Variants in FXN observed in about 807,000 individuals in gnomAD.
FXN encodes frataxin, mitochondrial.
Under a neutral mutation model 22.4 loss-of-function variants are expected in FXN, and 14 were observed. The observed-to-expected ratio is 0.62, with a 90% CI of 0.41 to 0.98. The LOEUF is 0.98. Ranked by LOEUF, FXN falls within the 50% of genes least tolerant of loss-of-function variation. The pLI, the probability that FXN is intolerant of heterozygous loss-of-function variation, is 0.00. For synonymous variants in FXN, 120 were observed against 114.1 expected, an observed-to-expected ratio of 1.05 and a Z score of -0.33; for missense variants, 267 against 268.4, an observed-to-expected ratio of 0.99 and a Z score of 0.04.
chr9:69,046,295 C>T (rs899820087), intron 1 of FXN, 90 bp from the exon 2 acceptor site: 6 of 933,348 alleles, frequency 6.4e-6, no homozygotes, highest in African/African-American at 3.3e-5. Flanking sequence ...TACAGGCACT[C>T]GAATGTAGAA....
In FXN at chr9:69,053,165, A is replaced by G. The variant is rs1181092877; in HGVS notation, c.289A>G (p.Arg97Gly). The part of the protein sequence containing the change: ...PGSLDETTYE[R>G]LAEETLDSLA... ...CTCTCTAGATGAGACCACCTATGAA[A>G]GACTAGCAGAGGAAACGCTGGACTC... Residue 97 changes from arginine to glycine, a missense_variant, in exon 3 of 5, where the codon AGA becomes GGA. By Grantham distance (125) the Arg-to-Gly change is moderately radical (BLOSUM62 -2). Transcript: ENST00000484259. 6.2e-7 allele frequency: 1 copy of G among 1,613,948 alleles called. No individual in the cohort carries two copies. Among genetic ancestry groups the G allele is most frequent in the South Asian group, 1.1e-5 (1 of 91,080 alleles).
chr9:69,037,284 A>AAAAAAAAAAAAAGAAGAAG (rs544093183), intron 1 of FXN, among the ~76,000 whole-genome samples: 4 of 78,060 alleles, frequency 5.1e-5, no homozygotes, highest in East Asian at 3.1e-4. Flanking sequence ...AAAAAAAAAA[A>AAAAAAAAAAAAAGAAGAAG]AAGAAGAAGA....
chr9:69,052,050 G>A (rs1410120692), intron 2 of FXN, among the ~76,000 whole-genome samples: 1 of 151,474 alleles, frequency 6.6e-6, no homozygotes, highest in Non-Finnish European at 1.5e-5. Flanking sequence ...GTTTCACCAT[G>A]TCAGCCAGGC....
intron 4 of FXN, among the ~76,000 whole-genome samples, chr9:69,066,868 A>AT (rs1297003871): frequency 0.032 from 3,674 of 114,294 alleles, 93 homozygotes; most frequent in African/African-American, 0.086. Context: ...CAAAAAAAAA[A>AT]AATATATATA....
At chr9:69,051,403 T>G (rs892012714) in intron 2 of FXN, among the ~76,000 whole-genome samples, 1 of 152,006 alleles carries the variant, frequency 6.6e-6, no homozygotes, top group African/African-American at 2.4e-5. Flanking sequence ...CTTGATACGA[T>G]CTGTCTCTTT....
Position 69,073,687 on chromosome 9 carries a change from C to G in FXN, c.*925C>G. On this transcript the variant is annotated 3_prime_UTR_variant, in exon 5 of 5. Coordinates refer to ENST00000484259, the MANE Select transcript of FXN (RefSeq NM_000144.5). ...GACAAGTTTCCCAAATTCCCTGGAC[C>G]TCTGCTTCCCCATCTGTTAAATGAG... 1.0e-6 allele frequency: 1 copy of G among 985,364 alleles called. No homozygotes were observed. The highest frequency in any genetic ancestry group is 1.2e-6 in the Non-Finnish European group (1 of 829,920). The allele number at this position is 985,364 out of a possible 1,614,324, so 61.0% of individuals were successfully genotyped here. A position where few individuals can be genotyped will look rare whatever the true frequency, so the allele number is the denominator to read the frequency against.
intron 3 of FXN, among the ~76,000 whole-genome samples, chr9:69,063,207 A>G (rs1329528009): frequency 6.6e-6 from 1 of 152,184 alleles, no homozygotes; most frequent in Non-Finnish European, 1.5e-5. Flanking sequence ...AAAAACAAAC[A>G]AACAAAAACT....
intron 2 of FXN, among the ~76,000 whole-genome samples, chr9:69,052,247 G>T (rs1026118950): frequency 2.6e-5 from 4 of 151,782 alleles, no homozygotes; most frequent in African/African-American, 9.7e-5. Flanking sequence ...TCCACCTCCG[G>T]GGTTTCAGTG....
chr9:69,077,852 C>T lies in FXN; in HGVS notation c.*5090C>T. The T allele has an allele frequency of 1.3e-6, 1 of 742,652 alleles. No individual in the cohort carries two copies. The highest frequency in any genetic ancestry group is 1.6e-6 in the Non-Finnish European group (1 of 609,428). The allele number at this position is 742,652 out of a possible 1,614,324, so 46.0% of individuals were successfully genotyped here. A position where few individuals can be genotyped will look rare whatever the true frequency, so the allele number is the denominator to read the frequency against. ...GGCTGAGGCAGGAGAATTGCTTGAACCTGGGTGGTGGAGGTTGCAGTGAGC... is the reference window on the plus strand; with the variant it reads ...GGCTGAGGCAGGAGAATTGCTTGAATCTGGGTGGTGGAGGTTGCAGTGAGC... On this transcript the variant is annotated 3_prime_UTR_variant, in exon 5 of 5. Transcript: ENST00000484259.
intron 4 of FXN, among the ~76,000 whole-genome samples, chr9:69,069,127 G>T (rs1377487796): frequency 6.6e-6 from 1 of 152,238 alleles, no homozygotes; most frequent in Non-Finnish European, 1.5e-5. Context: ...ACTTTGGGAG[G>T]CCAAGGCAGG....
At chr9:69,064,855 A>T in intron 3 of FXN, 83 bp from the exon 4 acceptor site, 2 of 800,176 alleles carry the variant, frequency 2.5e-6, no homozygotes, top group South Asian at 2.8e-5. Flanking sequence ...AAGTGTTGAG[A>T]TAAAACATGA....
intron 3 of FXN, among the ~76,000 whole-genome samples, chr9:69,064,550 A>C (rs79926664): frequency 0.032 from 4,850 of 152,242 alleles, 132 homozygotes; most frequent in Middle Eastern, 0.051. Context: ...ATAGAGTTAG[A>C]GTCTGCATTT....
chr9:69,061,810 AATG>A (rs1209789194), intron 3 of FXN, among the ~76,000 whole-genome samples: 1 of 152,022 alleles, frequency 6.6e-6, no homozygotes, highest in Non-Finnish European at 1.5e-5. Context: ...GTTTACTGAG[AATG>A]ATGATTTCCA....
At chr9:69,061,234 T>C (rs1832066719) in intron 3 of FXN, among the ~76,000 whole-genome samples, 1 of 152,234 alleles carries the variant, frequency 6.6e-6, no homozygotes, top group Admixed American at 6.5e-5. Context: ...CCTGATTTGC[T>C]GTATGCTGAG....
rs766667087 is a variant in FXN, at chr9:69,053,156, A to G, written c.280A>G (p.Thr94Ala). ...CCTCTGCAGCTCTCTAGATGAGACC[A>G]CCTATGAAAGACTAGCAGAGGAAAC... ...LGHPGSLDET[T>A]YERLAEETLD... Residue 94 changes from threonine to alanine, a missense_variant, in exon 3 of 5, where the codon ACC becomes GCC. Transcript: ENST00000484259. 67 of 1,613,844 alleles carry G rather than the reference A, an allele frequency of 4.2e-5. No homozygotes were observed. The highest frequency in any genetic ancestry group is 5.6e-5 in the Non-Finnish European group (66 of 1,179,962).
intron 2 of FXN, among the ~76,000 whole-genome samples, chr9:69,048,702 CT>C (rs1236468910): frequency 6.6e-6 from 1 of 152,180 alleles, no homozygotes. Flanking sequence ...CATCTCCTGG[CT>C]TATTCTTTTC....
chr9:69,038,254 T>C (rs889642450), intron 1 of FXN, among the ~76,000 whole-genome samples: 2 of 152,200 alleles, frequency 1.3e-5, no homozygotes, highest in African/African-American at 4.8e-5. Context: ...TCCTGTTTAA[T>C]TATTTTAAAG....
In FXN at chr9:69,060,154, G is replaced by A. The variant is rs60455238; in HGVS notation, c.385-4784G>A. Among the ~76,000 whole-genome samples, 1,334 of 152,180 alleles carry A rather than the reference G, an allele frequency of 8.8e-3. 23 individuals are homozygous for A. Among genetic ancestry groups the A allele is most frequent in the African/African-American group, 0.03 (1,256 of 41,506 alleles). ...GAGGCCAAGGCGGGCGGATCACGAG[G>A]TCAGGAGATCGAGACCATTCTGGCT... On this transcript the variant is annotated intron_variant, in intron 3 of 4. Coordinates refer to ENST00000484259, the MANE Select transcript of FXN (RefSeq NM_000144.5).
At chr9:69,049,034 CCTT>C (rs1217481825) in intron 2 of FXN, among the ~76,000 whole-genome samples, 4 of 152,198 alleles carry the variant, frequency 2.6e-5, no homozygotes, top group Non-Finnish European at 1.5e-5. Flanking sequence ...TCCCCTTACT[CCTT>C]CTGGCAGTTC....
Sources: allele counts gnomAD v4.1 joint callset (sites outside exome capture counted in the v4.1 genomes callset), GRCh38; gene constraint gnomAD v4.1.1; transcripts MANE v1.5; gene names NCBI Gene and HGNC (gene_info 2026-07-23, HGNC 2026-07-21).